The following RFC5 variants were observed in gnomAD, a reference collection of about 807,000 sequenced individuals.
RFC5 encodes replication factor C subunit 5, also known as A1 36 kDa subunit.
Under a neutral mutation model 44.3 loss-of-function variants are expected in RFC5, and 26 were observed. That is an observed-to-expected ratio of 0.59 (90% CI 0.43 to 0.81). The LOEUF is 0.81. RFC5 is among the 40% of genes least tolerant of loss of function. The pLI is 0.00. For missense variants in RFC5, 328 were observed against 418.6 expected (o/e 0.78, Z 1.89); for synonymous variants, 155 against 155.2 (o/e 1.00, Z 0.01).
In RFC5 at chr12:118,019,036, TA is replaced by T. The variant is rs749256381; in HGVS notation, c.66-35del. 2.1e-5 allele frequency: 30 copies of T among 1,437,038 alleles called. No individual in the cohort carries two copies. The highest frequency in any genetic ancestry group is 2.9e-5 in the Non-Finnish European group (30 of 1,019,526). The allele number at this position is 1,437,038 out of a possible 1,614,324, so 89.0% of individuals were successfully genotyped here. On this transcript the variant is annotated intron_variant, in intron 1 of 10. Transcript: ENST00000454402. This position sits in a 1 kb window ranked among gnomAD's most constrained non-coding sequence, Gnocchi z 4.2. ...TTTGCACATAAAATATTCTTGCATT[TA>T]TATATGTCATAATACATACTAAATT...
chr12:118,018,074 T>C, intron 1 of RFC5: 1 of 694,520 alleles, frequency 1.4e-6, no homozygotes, highest in Non-Finnish European at 2.6e-6. Context: ...TCCTACACTA[T>C]GTGGCCTTTT....
Position 118,024,901 on chromosome 12 carries a change from C to G in RFC5, c.472C>G (p.Leu158Val). Residue 158 changes from leucine to valine, a missense_variant, in exon 6 of 11, where the codon CTG becomes GTG. Leu to Val is a conservative substitution (Grantham distance 32). Transcript: ENST00000454402. ...CAGATTCTGCCTCATCTGTAACTAT[C>G]TGTCAAAGATCATCCCTGCCTTGCA... ...NTRFCLICNY[L>V]SKIIPALQSR... The G allele has an allele frequency of 6.2e-7, 1 of 1,613,748 alleles. No homozygotes were observed. Among genetic ancestry groups the G allele is most frequent in the Non-Finnish European group, 8.5e-7 (1 of 1,179,682 alleles).
downstream of RFC5, chr12:118,035,257 A>C (rs1319534034): frequency 6.2e-7 from 1 of 1,614,102 alleles, no homozygotes; most frequent in African/African-American, 1.3e-5. Flanking sequence ...TCTGGAGAGA[A>C]GCACACAGAT....
downstream of RFC5, chr12:118,036,235 GT>G: frequency 7.4e-7 from 1 of 1,357,440 alleles, no homozygotes; most frequent in East Asian, 2.3e-5. Flanking sequence ...TATCCAGCTT[GT>G]CCCCTCCCAT....
At chr12:118,036,632 C>T, downstream of RFC5, 2 of 1,013,358 alleles carry the variant, frequency 2.0e-6, no homozygotes, top group Non-Finnish European at 2.9e-6. Flanking sequence ...TTCTCTATCC[C>T]TTTTCTACAG....
At position 118,028,027 on chromosome 12, in the gene RFC5, A is replaced by G. The variant is rs538961537; in HGVS notation, c.868A>G (p.Arg290Gly). 1.3e-6 allele frequency: 2 copies of G among 1,596,420 alleles called. No individual in the cohort carries two copies. The highest frequency in any genetic ancestry group is 1.7e-6 in the Non-Finnish European group (2 of 1,164,852). Residue 290 changes from arginine (R) to glycine (G), a missense_variant, in exon 9 of 11, where the codon AGA becomes GGA. Transcript: ENST00000454402. ...GACAGAGATACACTTGTTTGTGCAT[A>G]GAGGTAACTTACATTATCCCCCAGC... ...ILTEIHLFVH[R>G]VDFPSSVRIH...
intron 10 of RFC5, 86 bp downstream of exon 10, chr12:118,029,911 GTTT>G (rs894865581): frequency 1.9e-6 from 2 of 1,029,178 alleles, no homozygotes; most frequent in Non-Finnish European, 3.1e-6. Context: ...TTGGTTTCAG[GTTT>G]TTTTCCTAAA....
At chr12:118,036,424 G>A (rs147184268), downstream of RFC5, 649 of 1,614,162 alleles carry the variant, frequency 4.0e-4, no homozygotes, top group Middle Eastern at 1.6e-3. Context: ...GGGCAGAGTC[G>A]GGGGAGAAGT....
downstream of RFC5, chr12:118,035,454 G>C: frequency 1.4e-6 from 1 of 730,580 alleles, no homozygotes; most frequent in East Asian, 2.6e-5. Flanking sequence ...TGCCCCTCGT[G>C]GAAAAGCTTG....
downstream of RFC5, chr12:118,038,089 G>A: frequency 2.2e-6 from 1 of 448,826 alleles, no homozygotes; most frequent in East Asian, 3.4e-5. Flanking sequence ...GGAGCAACCT[G>A]TTTCCAAATC....
At chr12:118,034,088 A>G (rs758988539), downstream of RFC5, 10 of 1,442,416 alleles carry the variant, frequency 6.9e-6, no homozygotes, top group African/African-American at 5.6e-5. Flanking sequence ...CACAATCCCA[A>G]AGAAATGCTA....
intron 10 of RFC5, among the ~76,000 whole-genome samples, chr12:118,030,184 A>G (rs931633908): frequency 1.3e-5 from 2 of 152,134 alleles, no homozygotes; most frequent in Non-Finnish European, 2.9e-5. Flanking sequence ...TATTGGGGGG[A>G]AAAGTAAACA....
At chr12:118,023,425 GAGGAAGAGGAGGGGGTGA>G (rs2030674566) in intron 5 of RFC5, among the ~76,000 whole-genome samples, 4 of 29,172 alleles carry the variant, frequency 1.4e-4, no homozygotes, top group South Asian at 1.8e-3. Flanking sequence ...GGGAGGAGGG[GAGGAAGAGGAGGGGGTGA>G]GGAGGAGGAG....
downstream of RFC5, chr12:118,035,198 G>A: frequency 6.2e-7 from 1 of 1,613,888 alleles, no homozygotes; most frequent in African/African-American, 1.3e-5. Flanking sequence ...CATGTAAAGA[G>A]AGTTCTCTTC....
downstream of RFC5, chr12:118,033,915 C>A: frequency 2.5e-6 from 1 of 403,032 alleles, no homozygotes; most frequent in Non-Finnish European, 4.6e-6. Context: ...TCAAAACAAG[C>A]AGAAAGAGTT....
At chr12:118,026,213 A>C (rs1367643484) in intron 7 of RFC5, among the ~76,000 whole-genome samples, 4 of 152,186 alleles carry the variant, frequency 2.6e-5, no homozygotes, top group African/African-American at 9.7e-5. Flanking sequence ...AGGCATGATC[A>C]ATCTGTAAAT....
At chr12:118,036,146 G>A (rs1039484698), downstream of RFC5, 1 of 596,110 alleles carries the variant, frequency 1.7e-6, no homozygotes, top group Non-Finnish European at 2.8e-6. Flanking sequence ...AGGTTGCAGT[G>A]ATCCAAGATT....
Position 118,031,512 on chromosome 12 carries a change from T to G in RFC5, c.*234T>G. 1 of 328,840 alleles carries G rather than the reference T, an allele frequency of 3.0e-6. No homozygotes were observed. Among genetic ancestry groups the G allele is most frequent in the East Asian group, 4.7e-5 (1 of 21,114 alleles). 20.4% of individuals were successfully genotyped at this position (328,840 alleles called of 1,614,324 possible). ...GTATTAACTCATACTGCCTGTCTTT[T>G]ATAGGGGAAAAAAATAACCTTTTTT... On this transcript the variant is annotated 3_prime_UTR_variant, in exon 11 of 11. Coordinates refer to ENST00000454402, the MANE Select transcript of RFC5 (RefSeq NM_007370.7).
intron 10 of RFC5, among the ~76,000 whole-genome samples, chr12:118,030,814 TTTTG>T (rs1032466119): frequency 5.3e-5 from 8 of 152,110 alleles, no homozygotes; most frequent in African/African-American, 1.4e-4. Flanking sequence ...AATTTTTGTT[TTTTG>T]TTTGTTTGTT....
Sources: gnomAD v4.1 joint callset for allele counts (sites outside exome capture counted in the v4.1 genomes callset) on GRCh38, gnomAD v4.1.1 for gene constraint, Gnocchi (gnomAD v3.1) non-coding constraint, MANE v1.5 for transcripts, NCBI Gene and HGNC (gene_info 2026-07-23, HGNC 2026-07-21) for gene names.